Variants in CHIC1 observed in about 807,000 individuals in gnomAD.
CHIC1 encodes the protein cysteine-rich hydrophobic domain-containing protein 1.
Under a neutral mutation model 18.5 loss-of-function variants are expected in CHIC1, and 7 were observed. That is an observed-to-expected ratio of 0.38 (90% CI 0.22 to 0.71). The LOEUF is 0.71. CHIC1 is among the 30% of genes least tolerant of loss of function. The pLI, the probability that CHIC1 is intolerant of heterozygous loss-of-function variation, is 0.49. For missense variants in CHIC1, 159 were observed against 176.9 expected, an observed-to-expected ratio of 0.90 and a Z score of 0.57; for synonymous variants, 77 against 73.5, an observed-to-expected ratio of 1.05 and a Z score of -0.25.
intron 3 of CHIC1, among the ~76,000 whole-genome samples, chrX:73,594,089 T>G (rs1221289782): frequency 1.8e-5 from 2 of 109,313 alleles, no homozygotes; most frequent in East Asian, 5.7e-4. Flanking sequence ...TTTATAGGGG[T>G]TTTTTTTCCC....
chrX:73,674,280 A>T (rs937746730), intron 3 of CHIC1, among the ~76,000 whole-genome samples: 1 of 111,441 alleles, frequency 9.0e-6, no homozygotes, highest in African/African-American at 3.3e-5. Flanking sequence ...CTCTTTTTCT[A>T]TTGATTGGAA....
At chrX:73,674,000 C>T (rs974146369) in intron 3 of CHIC1, among the ~76,000 whole-genome samples, 2 of 111,645 alleles carry the variant, frequency 1.8e-5, no homozygotes, top group African/African-American at 6.5e-5. Context: ...GCATCTATTG[C>T]GATAATCATG....
At chrX:73,578,250 G>T (rs1280986242) in intron 2 of CHIC1, among the ~76,000 whole-genome samples, 1 of 110,665 alleles carries the variant, frequency 9.0e-6, no homozygotes. Context: ...ATATTTGGAA[G>T]ATCATCTTAT....
chrX:73,611,026 T>A (rs1459971646), intron 3 of CHIC1, among the ~76,000 whole-genome samples: 1 of 107,932 alleles, frequency 9.3e-6, no homozygotes, highest in African/African-American at 3.6e-5. Flanking sequence ...CAGCTTTTTT[T>A]ATTATTATTA....
intron 3 of CHIC1, among the ~76,000 whole-genome samples, chrX:73,660,085 T>C (rs1194390279): frequency 8.9e-6 from 1 of 112,200 alleles, no homozygotes; most frequent in Non-Finnish European, 1.9e-5. Context: ...TTCTTGGCTT[T>C]GTTCTTTAGC....
chrX:73,642,563 C>CT (rs1202221120), intron 3 of CHIC1, among the ~76,000 whole-genome samples: 1 of 104,568 alleles, frequency 9.6e-6, no homozygotes, highest in Non-Finnish European at 2.0e-5. Flanking sequence ...GTTGCCATTG[C>CT]TTTTGGTGTT....
chrX:73,622,672 G>C (rs922917302), intron 3 of CHIC1, among the ~76,000 whole-genome samples: 2 of 110,802 alleles, frequency 1.8e-5, no homozygotes, highest in African/African-American at 6.6e-5. Context: ...AGGGTTTTTT[G>C]TGTTTCTGTC....
intron 3 of CHIC1, among the ~76,000 whole-genome samples, chrX:73,675,869 C>T (rs1380898343): frequency 9.1e-6 from 1 of 110,294 alleles, no homozygotes; most frequent in African/African-American, 3.3e-5. Flanking sequence ...GTGGCTGGTA[C>T]CGGTTGTTCC....
At chrX:73,611,962 C>G (rs1441591187) in intron 3 of CHIC1, among the ~76,000 whole-genome samples, 2 of 108,573 alleles carry the variant, frequency 1.8e-5, no homozygotes, top group Admixed American at 2.0e-4. Flanking sequence ...TTCTCCCATT[C>G]TGTAGGTTGC....
At chrX:73,573,132 G>A (rs2057479139) in intron 1 of CHIC1, among the ~76,000 whole-genome samples, 1 of 111,170 alleles carries the variant, frequency 9.0e-6, no homozygotes, top group Non-Finnish European at 1.9e-5. Context: ...ATCATGACAG[G>A]TAGTGTTCCA....
chrX:73,662,851 T>C, intron 3 of CHIC1, among the ~76,000 whole-genome samples: 1 of 111,373 alleles, frequency 9.0e-6, no homozygotes. Context: ...TAGTAGAATA[T>C]CATCCATAAA....
At chrX:73,654,657 T>A (rs892661030) in intron 3 of CHIC1, among the ~76,000 whole-genome samples, 5 of 111,880 alleles carry the variant, frequency 4.5e-5, no homozygotes, top group Non-Finnish European at 9.4e-5. Context: ...AGCCATCCAC[T>A]CCTGGGCATT....
intron 3 of CHIC1, among the ~76,000 whole-genome samples, chrX:73,624,745 G>T (rs2057775962): frequency 8.9e-6 from 1 of 111,913 alleles, no homozygotes; most frequent in Non-Finnish European, 1.9e-5. Flanking sequence ...CAGTTTTTTT[G>T]TTGTTTCAGA....
Position 73,647,116 on chromosome X carries a change from T to C in CHIC1, c.508-32210T>C, listed in dbSNP as rs2057893145. ...TGAAAGTCAGTTGGCTGAATGGAGG[T>C]GGGGAGTGAGCGTGCTACCCAGCTA... On this transcript the variant is annotated intron_variant, in intron 3 of 5. Coordinates refer to ENST00000373502, the MANE Select transcript of CHIC1 (RefSeq NM_001039840.4). Among the ~76,000 whole-genome samples the C allele has an allele frequency of 4.5e-5, 5 of 111,274 alleles. No individual in the cohort carries two copies. In the South Asian group the frequency reaches 1.9e-3, roughly 43 times the overall value.
rs1569506390 is a variant in CHIC1 at position 73,683,906 on chromosome X, T to C, written c.*2901T>C. 1 of 111,722 alleles carries C rather than the reference T, an allele frequency of 9.0e-6. No homozygotes were observed. Among genetic ancestry groups the C allele is most frequent in the Non-Finnish European group, 1.9e-5 (1 of 52,801 alleles). 9.2% of individuals were successfully genotyped at this position (111,722 alleles called of 1,213,427 possible). On this transcript the variant is annotated 3_prime_UTR_variant, in exon 6 of 6. Coordinates refer to ENST00000373502, the MANE Select transcript of CHIC1 (RefSeq NM_001039840.4). ...AACTCCATCCCAGATATGTCTCCAC[T>C]CTTTGTTCCCTCCTAATGCTAATTT...
intron 3 of CHIC1, among the ~76,000 whole-genome samples, chrX:73,629,108 C>A (rs1263261882): frequency 9.0e-6 from 1 of 111,120 alleles, no homozygotes; most frequent in African/African-American, 3.3e-5. Flanking sequence ...TACCTGTTGG[C>A]CATTTATATG....
At chrX:73,609,155 T>TAA (rs767979296) in intron 3 of CHIC1, among the ~76,000 whole-genome samples, 3 of 89,313 alleles carry the variant, frequency 3.4e-5, no homozygotes. Flanking sequence ...ACACCATCTC[T>TAA]AAAAAAAAAA....
intron 3 of CHIC1, among the ~76,000 whole-genome samples, chrX:73,601,738 CA>C (rs1377192079): frequency 9.5e-6 from 1 of 104,931 alleles, no homozygotes; most frequent in Admixed American, 1.0e-4. Flanking sequence ...AATAGAGACA[CA>C]AAAAACCCTT....
At position 73,563,267 on chromosome X, in the gene CHIC1, C is replaced by A; in HGVS notation, c.-18C>A. 1 of 1,093,487 alleles carries A rather than the reference C, an allele frequency of 9.1e-7. No homozygotes were observed. The highest frequency in any genetic ancestry group is 1.2e-6 in the Non-Finnish European group (1 of 835,402). The allele number at this position is 1,093,487 out of a possible 1,213,427, so 90.1% of individuals were successfully genotyped here. ...AAACTCTTCTCCGGGAGCGTGGCGG[C>A]GATCGCGAGGTCACGTGATGAGCAT... On this transcript the variant is annotated 5_prime_UTR_variant, in exon 1 of 6. Transcript: ENST00000373502.
Sources: allele counts gnomAD v4.1 joint callset (sites outside exome capture counted in the v4.1 genomes callset), GRCh38; gene constraint gnomAD v4.1.1; transcripts MANE v1.5; gene names NCBI Gene and HGNC (gene_info 2026-07-23, HGNC 2026-07-21).